XYLB: variants seen among roughly 807,000 people sequenced by gnomAD.
XYLB encodes xylulokinase.
XYLB carries 62 observed loss-of-function variants against 78.7 expected under a neutral mutation model. The ratio of observed to expected loss-of-function variants is 0.79; its 90% confidence interval spans 0.64 to 0.97. The LOEUF (loss-of-function observed/expected upper bound fraction) is 0.97, where lower values mean the gene tolerates loss of function less well. Among genes scored for constraint, XYLB ranks in the 50% least tolerant of loss-of-function variants. XYLB has a pLI of 0.00. For synonymous variants in XYLB, 245 were observed against 247.4 expected (o/e 0.99, Z 0.09); for missense variants, 687 against 676.8 (o/e 1.02, Z -0.17).
intron 2 of XYLB, among the ~76,000 whole-genome samples, chr3:38,358,357 G>GTGTGTGTGTGT (rs774476552): frequency 2.2e-5 from 2 of 90,110 alleles, no homozygotes; most frequent in Non-Finnish European, 2.1e-5. Flanking sequence ...GTGTGTGTGT[G>GTGTGTGTGTGT]TTTGAGACAG....
At chr3:38,412,473 G>A (rs1708635361) in intron 18 of XYLB, among the ~76,000 whole-genome samples, 1 of 152,144 alleles carries the variant, frequency 6.6e-6, no homozygotes, top group South Asian at 2.1e-4. Flanking sequence ...AAGTCTGAAT[G>A]TTTAGTGGTA....
At chr3:38,360,516 T>A (rs818848) in intron 3 of XYLB, 108 bp downstream of exon 3, 923,251 of 988,120 alleles carry the variant, frequency 0.93, 432,754 homozygotes, top group East Asian at 1. Context: ...GCATCTGTTG[T>A]CACCAGGTCC....
In XYLB at chr3:38,348,701, A is replaced by G. The variant is rs1705201472; in HGVS notation, c.140+69A>G. Reference sequence around the variant, plus strand: ...TTGGGGTCCTCCCGCAAACTTTTGTATTCGCAGACCGCACTGTTGAGGCTT... The same window carrying G: ...TTGGGGTCCTCCCGCAAACTTTTGTGTTCGCAGACCGCACTGTTGAGGCTT... On this transcript the variant is annotated intron_variant, in intron 2 of 18. Coordinates refer to ENST00000207870, the MANE Select transcript of XYLB (RefSeq NM_005108.4). 7.7e-6 allele frequency: 11 copies of G among 1,421,156 alleles called. No individual in the cohort carries two copies. In the East Asian group the frequency reaches 2.3e-4, roughly 29 times the overall value. The allele number at this position is 1,421,156 out of a possible 1,614,324, so 88.0% of individuals were successfully genotyped here.
rs184048416 is a variant in XYLB at position 38,352,061 on chromosome 3, G to A, written c.140+3429G>A. Among the ~76,000 whole-genome samples, 9 of 152,232 alleles carry A rather than the reference G, an allele frequency of 5.9e-5. No homozygotes were observed. In the East Asian group the frequency reaches 1.2e-3, roughly 20 times the overall value. ...CAGGAGTACAGTGGCTGAGTTATAC[G>A]GCAGGTATATGTTTAACTTCTTAAG... On this transcript the variant is annotated intron_variant, in intron 2 of 18. Transcript: ENST00000207870.
At position 38,384,220 on chromosome 3, in the gene XYLB, C is replaced by T. The variant is rs369589199; in HGVS notation, c.1291+4878C>T. On this transcript the variant is annotated intron_variant, in intron 15 of 18. Transcript: ENST00000207870. ...TAACTGGGACTACAGGTGCACACCACCACGCCCAGCTAGTTTTGTATTTTT... is the reference window on the plus strand; with the variant it reads ...TAACTGGGACTACAGGTGCACACCATCACGCCCAGCTAGTTTTGTATTTTT... 8.1e-4 allele frequency among the ~76,000 whole-genome samples: 124 copies of T among 152,204 alleles called. 1 individual carries two copies. Among genetic ancestry groups the T allele is most frequent in the African/African-American group, 2.9e-3 (120 of 41,520 alleles).
rs1310480420 is a variant in XYLB, at chr3:38,370,079, A to G, written c.670A>G (p.Ile224Val). The G allele has an allele frequency of 5.6e-6, 9 of 1,614,016 alleles. No individual in the cohort carries two copies. The African/African-American group carries it at 1.2e-4, about 22-fold the overall frequency. ...AGGTTCTGGAATGAATTTGTTGCAG[A>G]TACAGGATAAAGTCTGGTCCCAGGC... ...SDGSGMNLLQ[I>V]QDKVWSQACL... The change falls in exon 9 of 19, where the codon ATA (isoleucine) becomes GTA (valine). Residue 224 changes from isoleucine to valine, a missense_variant. Coordinates refer to ENST00000207870, the MANE Select transcript of XYLB (RefSeq NM_005108.4).
intron 14 of XYLB, among the ~76,000 whole-genome samples, chr3:38,378,562 G>A (rs1271967236): frequency 1.3e-5 from 2 of 152,152 alleles, no homozygotes; most frequent in Admixed American, 1.3e-4. Flanking sequence ...GTGGCCTTTA[G>A]GTTGAGACCT....
intron 5 of XYLB, 65 bp downstream of exon 5, chr3:38,365,350 G>A: frequency 6.5e-7 from 1 of 1,540,498 alleles, no homozygotes; most frequent in South Asian, 1.1e-5. Flanking sequence ...TGTGGGTCCT[G>A]AAGCCTGCTC....
chr3:38,439,844 G>A, the XYLB span, among the ~76,000 whole-genome samples: 8 of 151,990 alleles, frequency 5.3e-5, no homozygotes, highest in African/African-American at 9.7e-5. Context: ...TCGTACTATC[G>A]CTGACCGGTT....
the XYLB span, among the ~76,000 whole-genome samples, chr3:38,446,252 G>T: frequency 3.9e-5 from 6 of 152,260 alleles, no homozygotes; most frequent in South Asian, 1.2e-3. Flanking sequence ...CAAACGTCTA[G>T]CTAGCCACAG....
rs140008650 is a variant in XYLB at position 38,408,242 on chromosome 3, A to T, written c.1534-4694A>T. Reference sequence around the variant, plus strand: ...AGGATTAAGAAACTCACTCAAAACCACTCAGCTGCATGGAAACTGAACAAC... The same window carrying T: ...AGGATTAAGAAACTCACTCAAAACCTCTCAGCTGCATGGAAACTGAACAAC... On this transcript the variant is annotated intron_variant, in intron 18 of 18. Coordinates refer to ENST00000207870, the MANE Select transcript of XYLB (RefSeq NM_005108.4). Among the ~76,000 whole-genome samples the T allele has an allele frequency of 5.2e-3, 782 of 150,696 alleles. 6 individuals are homozygous for T. Among genetic ancestry groups the T allele is most frequent in the African/African-American group, 0.018 (738 of 41,058 alleles).
chr3:38,415,778 TCAAAAAAATAATAAAGATAGTAC>T (rs983872922), downstream of XYLB, among the ~76,000 whole-genome samples: 4 of 152,000 alleles, frequency 2.6e-5, no homozygotes, highest in African/African-American at 9.7e-5. Flanking sequence ...AGACTCTGTC[TCAAAAAAATAATAAAGATAGTAC>T]CCAAGACTGG....
chr3:38,363,463 G>T (rs1405253254), intron 4 of XYLB, among the ~76,000 whole-genome samples: 1 of 152,194 alleles, frequency 6.6e-6, no homozygotes. Context: ...CTTAGTGCAT[G>T]CCAGATACAA....
rs945032765 is a variant in XYLB at position 38,400,873 on chromosome 3, G to A, written c.1439-18G>A. ...CACTTGCAACATGCACTAATGTGAAGTGACCTTTCCCTTCTAGGTCTTGCA... is the reference window on the plus strand; with the variant it reads ...CACTTGCAACATGCACTAATGTGAAATGACCTTTCCCTTCTAGGTCTTGCA... On this transcript the variant is annotated intron_variant, in intron 17 of 18. Transcript: ENST00000207870. 18 of 1,610,954 alleles carry A rather than the reference G, an allele frequency of 1.1e-5. No homozygotes were observed. Among genetic ancestry groups the A allele is most frequent in the African/African-American group, 2.7e-5 (2 of 74,824 alleles).
chr3:38,349,996 G>A (rs1261503551), intron 2 of XYLB, among the ~76,000 whole-genome samples: 1 of 152,160 alleles, frequency 6.6e-6, no homozygotes, highest in African/African-American at 2.4e-5. Flanking sequence ...CAAGGCCCTC[G>A]GGGTTAGGAT....
intron 15 of XYLB, 94 bp from the exon 16 acceptor site, chr3:38,395,411 T>C: frequency 1.7e-6 from 2 of 1,159,464 alleles, no homozygotes; most frequent in Non-Finnish European, 2.5e-6. Flanking sequence ...TGGCCCATCA[T>C]GAGCCCTCTG....
At chr3:38,438,861 T>G in the XYLB span, among the ~76,000 whole-genome samples, 4 of 152,166 alleles carry the variant, frequency 2.6e-5, no homozygotes, top group Non-Finnish European at 5.9e-5. Flanking sequence ...TTGGTCCAAT[T>G]TACAGAGCAC....
At chr3:38,355,869 G>A in intron 2 of XYLB, 2 of 687,036 alleles carry the variant, frequency 2.9e-6, no homozygotes, top group Admixed American at 2.2e-5. Flanking sequence ...TGCTTTACAT[G>A]AGGAGAAAGA....
chr3:38,411,209 G>C (rs968928416), intron 18 of XYLB, among the ~76,000 whole-genome samples: 4 of 152,142 alleles, frequency 2.6e-5, no homozygotes, highest in African/African-American at 7.2e-5. Context: ...CATAAAAAAG[G>C]ATGATTTCAT....
Sources: gnomAD v4.1 joint callset for allele counts (sites outside exome capture counted in the v4.1 genomes callset) on GRCh38, gnomAD v4.1.1 for gene constraint, MANE v1.5 for transcripts, NCBI Gene and HGNC (gene_info 2026-07-23, HGNC 2026-07-21) for gene names.